CPQ: variants seen among roughly 807,000 people sequenced by gnomAD.
CPQ encodes carboxypeptidase Q.
In CPQ, 37 loss-of-function variants were observed where a neutral mutation model predicts 45.7. The ratio of observed to expected loss-of-function variants is 0.81; its 90% CI spans 0.62 to 1.07. CPQ has a LOEUF of 1.07. Ranked by LOEUF, CPQ falls within the 50% of genes least tolerant of loss-of-function variation. The pLI, the probability that CPQ is intolerant of heterozygous loss-of-function variation, is 0.00. For missense variants in CPQ, 537 were observed against 572.9 expected, an observed-to-expected ratio of 0.94 and a Z score of 0.64; for synonymous variants, 186 against 205.8, an observed-to-expected ratio of 0.90 and a Z score of 0.82.
chr8:96,698,118 T>A (rs1295428785), intron 1 of CPQ, among the ~76,000 whole-genome samples: 3 of 152,112 alleles, frequency 2.0e-5, no homozygotes, highest in Non-Finnish European at 4.4e-5. Flanking sequence ...TGAGCCATAG[T>A]AACCAAAACA....
intron 1 of CPQ, among the ~76,000 whole-genome samples, chr8:96,656,413 G>T (rs1473596445): frequency 6.6e-6 from 1 of 152,130 alleles, no homozygotes; most frequent in East Asian, 1.9e-4. Context: ...TTCCTGGCTG[G>T]GTGGTACTAC....
At chr8:97,089,047 G>A (rs1369126411) in intron 7 of CPQ, among the ~76,000 whole-genome samples, 6 of 151,796 alleles carry the variant, frequency 4.0e-5, no homozygotes, top group Non-Finnish European at 8.8e-5. Context: ...AGTTTGAGAC[G>A]AACCTGACCA....
At chr8:96,895,462 A>G (rs954430965) in intron 4 of CPQ, among the ~76,000 whole-genome samples, 5 of 152,198 alleles carry the variant, frequency 3.3e-5, no homozygotes, top group African/African-American at 1.2e-4. Context: ...TAACAAATGG[A>G]TATCCTGCAA....
At chr8:96,796,419 C>A (rs184884978) in intron 2 of CPQ, among the ~76,000 whole-genome samples, 14 of 151,920 alleles carry the variant, frequency 9.2e-5, no homozygotes, top group Non-Finnish European at 1.5e-5. Flanking sequence ...ATTGATTGTC[C>A]TATTTTATTC....
intron 1 of CPQ, among the ~76,000 whole-genome samples, chr8:96,683,786 T>C (rs1563701746): frequency 6.6e-6 from 1 of 150,918 alleles, no homozygotes; most frequent in South Asian, 2.1e-4. Context: ...AAACCTGTCT[T>C]CATGTTCAGC....
At chr8:96,880,377 G>T (rs1812204592) in intron 4 of CPQ, among the ~76,000 whole-genome samples, 1 of 151,688 alleles carries the variant, frequency 6.6e-6, no homozygotes, top group Non-Finnish European at 1.5e-5. Context: ...ACTGTGTATT[G>T]TAACCAAAGG....
intron 7 of CPQ, among the ~76,000 whole-genome samples, chr8:97,091,488 A>G (rs1344189855): frequency 6.6e-6 from 1 of 152,216 alleles, no homozygotes; most frequent in Non-Finnish European, 1.5e-5. Context: ...TTGTCAGGCC[A>G]GTTCCCAGAT....
intron 4 of CPQ, among the ~76,000 whole-genome samples, chr8:96,942,017 T>C (rs1266683428): frequency 1.3e-5 from 2 of 152,202 alleles, no homozygotes; most frequent in African/African-American, 2.4e-5. Context: ...TGGTAATATA[T>C]GAGCTGGAAT....
At position 96,981,099 on chromosome 8, in the gene CPQ, A is replaced by G. The variant is rs182643415; in HGVS notation, c.961+15053A>G. On this transcript the variant is annotated intron_variant, in intron 5 of 7. Coordinates refer to ENST00000220763, the MANE Select transcript of CPQ (RefSeq NM_016134.4). ...ATACAGAAAAAAATCAAGGCAGAGA[A>G]AACACAACCAAATCTAGTGCTTACT... is the stretch of plus-strand genomic sequence containing the variant. Among the ~76,000 whole-genome samples, 253 of 152,334 alleles carry G rather than the reference A, an allele frequency of 1.7e-3. 3 individuals carry two copies. Among genetic ancestry groups the G allele is most frequent in the Admixed American group, 0.013 (196 of 15,310 alleles).
chr8:97,051,666 A>G (rs1314015165), intron 6 of CPQ, among the ~76,000 whole-genome samples: 1 of 152,230 alleles, frequency 6.6e-6, no homozygotes, highest in African/African-American at 2.4e-5. Context: ...AGGGACCCCG[A>G]TTAGGACTTG....
intron 4 of CPQ, among the ~76,000 whole-genome samples, chr8:96,901,862 G>C (rs1812515977): frequency 6.6e-6 from 1 of 152,192 alleles, no homozygotes; most frequent in South Asian, 2.1e-4. Context: ...TAGTCAGACA[G>C]CCAATTAACA....
chr8:96,974,413 C>A (rs564819293), intron 5 of CPQ, among the ~76,000 whole-genome samples: 1 of 152,062 alleles, frequency 6.6e-6, no homozygotes, highest in Non-Finnish European at 1.5e-5. Context: ...GACAGCAACA[C>A]AATAATATGG....
intron 7 of CPQ, among the ~76,000 whole-genome samples, chr8:97,074,664 G>A (rs55990944): frequency 0.028 from 4,232 of 152,156 alleles, 84 homozygotes; most frequent in Admixed American, 0.066. Context: ...CTAGCTACCC[G>A]GGAGGCTGAG....
intron 7 of CPQ, 119 bp from the exon 8 acceptor site, chr8:97,142,901 A>T: frequency 1.2e-6 from 1 of 857,224 alleles, no homozygotes; most frequent in Non-Finnish European, 1.8e-6. Flanking sequence ...CTGGAAAAGT[A>T]ATTATTTTGC....
At chr8:97,016,439 C>T (rs1363118349) in intron 5 of CPQ, among the ~76,000 whole-genome samples, 3 of 152,116 alleles carry the variant, frequency 2.0e-5, no homozygotes, top group Non-Finnish European at 4.4e-5. Context: ...AAGGTGGTCC[C>T]TTTTATTTAT....
At chr8:97,106,768 G>A (rs935039325) in intron 7 of CPQ, among the ~76,000 whole-genome samples, 2 of 152,076 alleles carry the variant, frequency 1.3e-5, no homozygotes, top group Non-Finnish European at 2.9e-5. Flanking sequence ...AAGAGCCCTG[G>A]CAGTTCCATC....
chr8:96,944,581 T>C (rs1023432694), intron 4 of CPQ, among the ~76,000 whole-genome samples: 2 of 152,162 alleles, frequency 1.3e-5, no homozygotes, highest in African/African-American at 4.8e-5. Flanking sequence ...TCAACCAGCT[T>C]TAACCTTTTG....
intron 4 of CPQ, among the ~76,000 whole-genome samples, chr8:96,901,288 TGC>T (rs1812509809): frequency 6.6e-6 from 1 of 152,196 alleles, no homozygotes; most frequent in Non-Finnish European, 1.5e-5. Flanking sequence ...ATTGTTGGGC[TGC>T]ATTGCAACTT....
chr8:96,867,136 A>G (rs1303373958), intron 3 of CPQ, among the ~76,000 whole-genome samples: 3 of 152,054 alleles, frequency 2.0e-5, no homozygotes, highest in Non-Finnish European at 4.4e-5. Flanking sequence ...TTTTGTGTGA[A>G]TGCTAAGATC....
Sources: gnomAD v4.1 joint callset for allele counts (sites outside exome capture counted in the v4.1 genomes callset) on GRCh38, gnomAD v4.1.1 for gene constraint, MANE v1.5 for transcripts, NCBI Gene and HGNC (gene_info 2026-07-23, HGNC 2026-07-21) for gene names.